The following ABCC1 variants were observed in gnomAD, a reference collection of about 807,000 sequenced individuals.
The protein encoded by ABCC1 is ATP binding cassette subfamily C member 1 (ABCC1 blood group).
A neutral mutation model predicts 172.9 loss-of-function variants in ABCC1; 83 were observed. That is an observed-to-expected ratio of 0.48 (90% CI 0.40 to 0.58). The LOEUF (loss-of-function observed/expected upper bound fraction) is 0.58, where lower values mean the gene tolerates loss of function less well. Among genes scored for constraint, ABCC1 ranks in the 20% least tolerant of loss-of-function variants. ABCC1 has a pLI of 0.00. For synonymous variants in ABCC1, 937 were observed against 825.2 expected, an observed-to-expected ratio of 1.14 and a Z score of -2.32; for missense variants, 1,817 against 2,002.7, an observed-to-expected ratio of 0.91 and a Z score of 1.77.
At chr16:16,012,705 TGAGG>T (rs745627326) in intron 3 of ABCC1, among the ~76,000 whole-genome samples, 17,437 of 147,026 alleles carry the variant, frequency 0.12, 1,431 homozygotes, top group African/African-American at 0.23. Flanking sequence ...TTTTTTCCTT[TGAGG>T]CAGAGTTTCG....
chr16:16,090,092 C>A (rs1301073920), intron 18 of ABCC1, among the ~76,000 whole-genome samples: 2 of 152,190 alleles, frequency 1.3e-5, no homozygotes, highest in Non-Finnish European at 1.5e-5. Context: ...ATTCAGCAAG[C>A]ACTATTCTAC....
At chr16:15,952,115 A>C (rs2045887858) in intron 1 of ABCC1, among the ~76,000 whole-genome samples, 1 of 152,154 alleles carries the variant, frequency 6.6e-6, no homozygotes, top group Admixed American at 6.5e-5. Context: ...TCATCTCTAA[A>C]ATTGGACAGG....
rs7199834 is a variant in ABCC1 at position 16,029,520 on chromosome 16, A to G, written c.616-3589A>G. On this transcript the variant is annotated intron_variant, in intron 5 of 30. Transcript: ENST00000399410. Reference sequence around the variant, plus strand: ...GTTACAAGTGTGAGCCACTGCGCCCAGCTGCCATGAGCTCTTTACCATGCA... The same window carrying G: ...GTTACAAGTGTGAGCCACTGCGCCCGGCTGCCATGAGCTCTTTACCATGCA... Among the ~76,000 whole-genome samples, 848 of 152,312 alleles carry G rather than the reference A, an allele frequency of 5.6e-3. 10 individuals carry two copies. The highest frequency in any genetic ancestry group is 0.02 in the African/African-American group (814 of 41,574).
rs2046176222 is a variant in ABCC1, at chr16:16,142,850, GC to G, written c.*1573del. On this transcript the variant is annotated 3_prime_UTR_variant, in exon 31 of 31. Coordinates refer to ENST00000399410, the MANE Select transcript of ABCC1 (RefSeq NM_004996.4). The stretch of plus-strand genomic sequence containing the variant: ...CCGGAAGGCAGCCAGAGCTGAGGCT[GC>G]CCCAAGACTCAGACTTGCTAAGAAT... 1 of 152,602 alleles carries G rather than the reference GC, an allele frequency of 6.6e-6. No homozygotes were observed. Among genetic ancestry groups the G allele is most frequent in the African/African-American group, 2.4e-5 (1 of 41,446 alleles). The allele number at this position is 152,602 out of a possible 1,614,324, so 9.5% of individuals were successfully genotyped here.
intron 10 of ABCC1, among the ~76,000 whole-genome samples, 171 bp from the exon 11 acceptor site, chr16:16,052,553 C>T (rs2049474605): frequency 6.6e-6 from 1 of 152,156 alleles, no homozygotes; most frequent in Non-Finnish European, 1.5e-5. Flanking sequence ...TGGAGAGATG[C>T]TCAGGAATGA....
chr16:15,990,801 C>A (rs890670291), intron 1 of ABCC1, among the ~76,000 whole-genome samples: 1 of 150,176 alleles, frequency 6.7e-6, no homozygotes, highest in Admixed American at 6.7e-5. Flanking sequence ...AGGTGCCTGC[C>A]GCCACGCCCG....
At chr16:16,103,904 G>A (rs62032029) in intron 20 of ABCC1, among the ~76,000 whole-genome samples, 2,458 of 152,268 alleles carry the variant, frequency 0.016, 24 homozygotes, top group Non-Finnish European at 0.026. Flanking sequence ...TCTTAAAGGT[G>A]GCACGTCTGG....
At chr16:16,076,274 A>G in intron 14 of ABCC1, 52 bp from the exon 15 acceptor site, 5 of 1,547,328 alleles carry the variant, frequency 3.2e-6, no homozygotes, top group Non-Finnish European at 4.5e-6. Context: ...TGTTCTGTGC[A>G]TGTGGAGTCG....
rs142924890 is a variant in ABCC1, at chr16:16,054,272, G to T, written c.1473+1456G>T. ...TTACAGGCATGAGCCACCATGCCTG[G>T]CCATTATATATGTTTTGTGTGTGTG... On this transcript the variant is annotated intron_variant, in intron 11 of 30. Coordinates refer to ENST00000399410, the MANE Select transcript of ABCC1 (RefSeq NM_004996.4). 6.8e-3 allele frequency among the ~76,000 whole-genome samples: 1,026 copies of T among 151,744 alleles called. 9 individuals are homozygous for T. The highest frequency in any genetic ancestry group is 0.024 in the African/African-American group (989 of 41,116).
At chr16:16,014,449 A>G (rs770161649) in intron 3 of ABCC1, 42 bp from the exon 4 acceptor site, 10 of 1,601,222 alleles carry the variant, frequency 6.2e-6, no homozygotes, top group Admixed American at 1.7e-5. Flanking sequence ...CTCTGTCTCA[A>G]AAAAAAACCC....
At chr16:15,958,283 T>G (rs1327137389) in intron 1 of ABCC1, among the ~76,000 whole-genome samples, 1 of 152,008 alleles carries the variant, frequency 6.6e-6, no homozygotes, top group Non-Finnish European at 1.5e-5. Context: ...TTTTTGTATT[T>G]TTAGTAGAGA....
intron 23 of ABCC1, among the ~76,000 whole-genome samples, chr16:16,117,524 C>T (rs113042551): frequency 6.6e-5 from 10 of 152,136 alleles, no homozygotes; most frequent in African/African-American, 2.4e-4. Flanking sequence ...TCTAATTGTC[C>T]AGAACTTAGT....
Position 15,961,771 on chromosome 16 carries a change from CTT to C in ABCC1, c.48+11991_48+11992del, listed in dbSNP as rs4148334. On this transcript the variant is annotated intron_variant, in intron 1 of 30. Transcript: ENST00000399410. ...TGAAAGTAAAAGCCAATCAAATCAA[CTT>C]TTTTTTTTTTTTTTTTTTAAACAAG... Among the ~76,000 whole-genome samples the C allele has an allele frequency of 6.2e-3, 805 of 129,112 alleles. 7 individuals carry two copies. Among genetic ancestry groups the C allele is most frequent in the African/African-American group, 0.019 (694 of 35,656 alleles). The allele number at this position is 129,112 out of a possible 152,430, so 84.7% of individuals were successfully genotyped here.
At chr16:16,050,518 T>A (rs528090627) in intron 10 of ABCC1, among the ~76,000 whole-genome samples, 16 of 151,930 alleles carry the variant, frequency 1.1e-4, no homozygotes, top group Non-Finnish European at 2.2e-4. Context: ...GTTTGGTTTT[T>A]TTTTGTACAT....
At position 16,048,303 on chromosome 16, in the gene ABCC1, G is replaced by A. The variant is rs1177711941; in HGVS notation, c.1380G>A (p.Leu460=). The change falls in exon 10 of 31, where the codon CTG becomes CTA. Residue 460 remains leucine (L), a splice_region_variant and synonymous_variant. Transcript: ENST00000399410. ...TCCTTGCTCTCTACCTCCTGTGGCT[G>A]GTGTGTGTTTAACGCCGTTTCCCTT... ...QVILALYLLW[L]NLGPSVLAGV... is the part of the protein sequence containing the mutation. The A allele has an allele frequency of 6.2e-7, 1 of 1,613,920 alleles. No individual in the cohort carries two copies. Among genetic ancestry groups the A allele is most frequent in the African/African-American group, 1.3e-5 (1 of 74,924 alleles).
rs886177676 is a variant in ABCC1, at chr16:16,014,502, C to T, written c.363C>T (p.Thr121=). 1.2e-5 allele frequency: 19 copies of T among 1,613,824 alleles called. No individual in the cohort carries two copies. The highest frequency in any genetic ancestry group is 1.5e-5 in the Non-Finnish European group (18 of 1,179,972). ...GCTTCTCTCCTCAGCTGCTTGCTAC[C>T]TTTTTAATTCAGCTGGAGAGGAGGA... ...TLLGITMLLA[T]FLIQLERRKG... The change falls in exon 4 of 31, where the codon ACC becomes ACT. Residue 121 remains threonine, a synonymous_variant. Transcript: ENST00000399410.
At chr16:16,072,484 CTTT>C (rs5815852) in intron 14 of ABCC1, among the ~76,000 whole-genome samples, 2 of 142,386 alleles carry the variant, frequency 1.4e-5, no homozygotes, top group African/African-American at 5.2e-5. Flanking sequence ...TTCTCCTGGC[CTTT>C]TTTTTTTTTT....
Position 16,079,132 on chromosome 16 carries a change from C to T in ABCC1, c.1989-220C>T, listed in dbSNP as rs183435107. ...CCTGCCTCACTTCTCTAAGGGACAC[C>T]TGTCACCTGCCTCCCACCTGGAGGC... On this transcript the variant is annotated intron_variant, in intron 15 of 30. Transcript: ENST00000399410. 3.3e-3 allele frequency among the ~76,000 whole-genome samples: 496 copies of T among 152,304 alleles called. 1 individual carries two copies. Among genetic ancestry groups the T allele is most frequent in the Non-Finnish European group, 5.5e-3 (377 of 68,028 alleles).
At chr16:16,120,817 G>A (rs1388142050) in intron 23 of ABCC1, among the ~76,000 whole-genome samples, 1 of 152,078 alleles carries the variant, frequency 6.6e-6, no homozygotes, top group Non-Finnish European at 1.5e-5. Flanking sequence ...GGGGGGTGAC[G>A]AGATTGACCC....
Sources: allele counts gnomAD v4.1 joint callset (sites outside exome capture counted in the v4.1 genomes callset), GRCh38; gene constraint gnomAD v4.1.1; transcripts MANE v1.5; gene names NCBI Gene and HGNC (gene_info 2026-07-23, HGNC 2026-07-21).